MYRIP: variants seen among roughly 807,000 people sequenced by gnomAD.
The protein encoded by MYRIP is myosin VIIA and Rab interacting protein.
In MYRIP, 49 loss-of-function variants were observed where a neutral mutation model predicts 98.0. That is an observed-to-expected ratio of 0.50 (90% CI 0.40 to 0.63). The LOEUF (loss-of-function observed/expected upper bound fraction) is 0.63, where lower values mean the gene tolerates loss of function less well. MYRIP is among the 30% of genes least tolerant of loss of function. MYRIP has a pLI of 0.00. For synonymous variants in MYRIP, 404 were observed against 409.5 expected (o/e 0.99, Z 0.16); for missense variants, 1,004 against 1,058.2 (o/e 0.95, Z 0.71).
chr3:40,086,212 G>A (rs559451861), intron 3 of MYRIP, among the ~76,000 whole-genome samples: 8 of 152,294 alleles, frequency 5.3e-5, no homozygotes, highest in African/African-American at 1.9e-4. Flanking sequence ...GGAAAGTTCT[G>A]CATCTTCCCA....
At chr3:39,962,060 C>G (rs1945337361) in intron 2 of MYRIP, among the ~76,000 whole-genome samples, 2 of 152,086 alleles carry the variant, frequency 1.3e-5, no homozygotes, top group South Asian at 4.1e-4. Context: ...AATCGACACT[C>G]TTGATGTCTA....
At chr3:39,989,691 A>G (rs1375953793) in intron 2 of MYRIP, among the ~76,000 whole-genome samples, 3 of 152,152 alleles carry the variant, frequency 2.0e-5, no homozygotes, top group Non-Finnish European at 4.4e-5. Context: ...GGGAGATCAG[A>G]GTTCTGTCCT....
intron 13 of MYRIP, among the ~76,000 whole-genome samples, chr3:40,248,801 C>T (rs538656723): frequency 4.6e-5 from 7 of 152,266 alleles, no homozygotes; most frequent in African/African-American, 1.7e-4. Flanking sequence ...GGTTCATAAA[C>T]CAAAAGAATG....
At chr3:39,875,806 A>G (rs1288794786) in intron 1 of MYRIP, among the ~76,000 whole-genome samples, 14 of 151,776 alleles carry the variant, frequency 9.2e-5, no homozygotes, top group Non-Finnish European at 2.1e-4. Flanking sequence ...GCTGAAAAAA[A>G]TGTATATTCT....
chr3:40,071,060 TTGCCTTTTGACATAAGAATCTG>T, intron 3 of MYRIP: 1 of 862,676 alleles, frequency 1.2e-6, no homozygotes, highest in Non-Finnish European at 1.4e-6. Context: ...CAAGATGCAT[TTGCCTTTTGACATAAGAATCTG>T]TGGTAGGGAA....
At chr3:39,857,283 A>G (rs1942333200) in intron 1 of MYRIP, among the ~76,000 whole-genome samples, 1 of 152,042 alleles carries the variant, frequency 6.6e-6, no homozygotes, top group Non-Finnish European at 1.5e-5. Context: ...GGAAGGAAAA[A>G]TGAGTATCTA....
At chr3:39,890,609 G>A (rs1381387175) in intron 1 of MYRIP, among the ~76,000 whole-genome samples, 1 of 149,860 alleles carries the variant, frequency 6.7e-6, no homozygotes, top group Admixed American at 6.6e-5. Flanking sequence ...AGTTCATAGG[G>A]GTAGGGGCTG....
At chr3:40,158,267 C>G (rs1322615848) in intron 4 of MYRIP, among the ~76,000 whole-genome samples, 2 of 152,166 alleles carry the variant, frequency 1.3e-5, no homozygotes, top group African/African-American at 4.8e-5. Context: ...AGTAGTCATT[C>G]AGGAGCAGGT....
In MYRIP at chr3:39,820,288, G is replaced by C. The variant is rs1941065997; in HGVS notation, c.-31+10372G>C. Among the ~76,000 whole-genome samples the C allele has an allele frequency of 3.3e-5, 5 of 152,318 alleles. No homozygotes were observed. In the South Asian group the frequency reaches 1.0e-3, roughly 32 times the overall value. ...GTGAAATGTAACTATCTCAAAGTGTGTTGGGTCATTTTCTAGTCTGTCAAG... is the reference window on the plus strand; with the variant it reads ...GTGAAATGTAACTATCTCAAAGTGTCTTGGGTCATTTTCTAGTCTGTCAAG... On this transcript the variant is annotated intron_variant, in intron 1 of 16. Coordinates refer to ENST00000302541, the MANE Select transcript of MYRIP (RefSeq NM_015460.4).
intron 3 of MYRIP, among the ~76,000 whole-genome samples, chr3:40,145,276 A>C (rs1036263582): frequency 6.6e-6 from 1 of 152,200 alleles, no homozygotes; most frequent in Non-Finnish European, 1.5e-5. Context: ...TTGGCACAGT[A>C]CCTCAGACAG....
chr3:39,911,195 T>A (rs1272286816), intron 2 of MYRIP, among the ~76,000 whole-genome samples: 1 of 152,220 alleles, frequency 6.6e-6, no homozygotes, highest in Non-Finnish European at 1.5e-5. Context: ...TTATATCACA[T>A]CTTTGGCGCC....
At chr3:39,860,645 A>G (rs1210343201) in intron 1 of MYRIP, among the ~76,000 whole-genome samples, 1 of 152,136 alleles carries the variant, frequency 6.6e-6, no homozygotes, top group Non-Finnish European at 1.5e-5. Flanking sequence ...CTAGAAGACC[A>G]TGCCTGACCA....
intron 11 of MYRIP, among the ~76,000 whole-genome samples, chr3:40,211,828 C>T (rs1199227358): frequency 7.2e-6 from 1 of 138,442 alleles, no homozygotes; most frequent in African/African-American, 2.6e-5. Flanking sequence ...GAGGCAGTCA[C>T]CAATGTACGC....
At chr3:40,062,095 T>C (rs1238431826) in intron 3 of MYRIP, among the ~76,000 whole-genome samples, 1 of 152,252 alleles carries the variant, frequency 6.6e-6, no homozygotes, top group Non-Finnish European at 1.5e-5. Flanking sequence ...AGCTCTTAAG[T>C]TGAATTAGAT....
chr3:40,082,924 C>T (rs912820687), intron 3 of MYRIP, among the ~76,000 whole-genome samples: 7 of 152,068 alleles, frequency 4.6e-5, no homozygotes, highest in African/African-American at 1.2e-4. Flanking sequence ...GGCTTCTACC[C>T]GTAAAATAGG....
chr3:39,881,767 A>G (rs1943160651), intron 1 of MYRIP, among the ~76,000 whole-genome samples: 1 of 152,094 alleles, frequency 6.6e-6, no homozygotes, highest in African/African-American at 2.4e-5. Context: ...TTACCGAACA[A>G]ATAGCCATTA....
intron 16 of MYRIP, among the ~76,000 whole-genome samples, chr3:40,255,244 T>C (rs1166705230): frequency 2.6e-5 from 4 of 152,142 alleles, no homozygotes; most frequent in African/African-American, 9.7e-5. Context: ...TTGTCTTTCA[T>C]AGAGACAGGA....
At chr3:40,004,242 G>C (rs1277164911) in intron 2 of MYRIP, among the ~76,000 whole-genome samples, 2 of 152,072 alleles carry the variant, frequency 1.3e-5, no homozygotes, top group African/African-American at 4.8e-5. Flanking sequence ...TATTAAAGAG[G>C]GTGCATTTGA....
chr3:39,975,727 C>T (rs1218355284), intron 2 of MYRIP, among the ~76,000 whole-genome samples: 5 of 152,042 alleles, frequency 3.3e-5, no homozygotes, highest in Non-Finnish European at 7.4e-5. Context: ...CAGAACAGAG[C>T]CCTCAGAAAT....
Sources: allele counts gnomAD v4.1 joint callset (sites outside exome capture counted in the v4.1 genomes callset), GRCh38; gene constraint gnomAD v4.1.1; transcripts MANE v1.5; gene names NCBI Gene and HGNC (gene_info 2026-07-23, HGNC 2026-07-21).